The following LPP variants were observed in gnomAD, a reference collection of about 807,000 sequenced individuals.
LPP encodes the protein lipoma-preferred partner.
Under a neutral mutation model 60.4 loss-of-function variants are expected in LPP, and 38 were observed. The ratio of observed to expected loss-of-function variants is 0.63; its 90% CI spans 0.49 to 0.83. The LOEUF (loss-of-function observed/expected upper bound fraction) is 0.83. Among genes scored for constraint, LPP ranks in the 40% least tolerant of loss-of-function variants. The pLI is 0.00. For missense variants in LPP, 902 were observed against 783.6 expected, an observed-to-expected ratio of 1.15 and a Z score of -1.80; for synonymous variants, 328 against 290.8, an observed-to-expected ratio of 1.13 and a Z score of -1.30.
At chr3:188,855,550 T>A in intron 9 of LPP, among the ~76,000 whole-genome samples, 1 of 152,196 alleles carries the variant, frequency 6.6e-6, no homozygotes, top group East Asian at 1.9e-4. Context: ...TTGGGGGATG[T>A]CTATGGGAGT....
intron 4 of LPP, among the ~76,000 whole-genome samples, chr3:188,446,454 T>C (rs890604564): frequency 6.6e-6 from 1 of 152,264 alleles, no homozygotes; most frequent in Non-Finnish European, 1.5e-5. Flanking sequence ...GGTTACTGTG[T>C]ATGTCATTTA....
At chr3:188,485,173 C>A (rs539677300) in intron 5 of LPP, among the ~76,000 whole-genome samples, 1 of 152,250 alleles carries the variant, frequency 6.6e-6, no homozygotes, top group South Asian at 2.1e-4. Context: ...CATCAAATAT[C>A]CTTAGGATTT....
intron 2 of LPP, among the ~76,000 whole-genome samples, chr3:188,317,504 C>G (rs1241964191): frequency 1.3e-5 from 2 of 152,174 alleles, no homozygotes; most frequent in Non-Finnish European, 2.9e-5. Flanking sequence ...GCATTCAAAT[C>G]TTTTGTACCT....
At chr3:188,485,385 T>C (rs1472641320) in intron 5 of LPP, among the ~76,000 whole-genome samples, 1 of 152,150 alleles carries the variant, frequency 6.6e-6, no homozygotes, top group Non-Finnish European at 1.5e-5. Flanking sequence ...AAGAAGAAAA[T>C]CTAATAAAGT....
intron 7 of LPP, among the ~76,000 whole-genome samples, chr3:188,645,980 A>G (rs1370685001): frequency 6.6e-6 from 1 of 152,164 alleles, no homozygotes; most frequent in Non-Finnish European, 1.5e-5. Context: ...ACATATTCCA[A>G]GACTTGGCTT....
intron 3 of LPP, among the ~76,000 whole-genome samples, chr3:188,372,367 A>C (rs1205434870): frequency 2.0e-5 from 3 of 152,198 alleles, no homozygotes. Context: ...AAGCTCCTTC[A>C]ATCCAATTAG....
Position 188,760,180 on chromosome 3 carries a change from C to A in LPP, c.1308C>A (p.Val436=), listed in dbSNP as rs370437622. The change falls in exon 9 of 12, where the codon GTC becomes GTA. Residue 436 remains valine, a synonymous_variant. Coordinates refer to ENST00000617246, the MANE Select transcript of LPP (RefSeq NM_001375462.1). ...CAGGATGCACTGCCATGGATCAGGT[C>A]TTCCACGTGGATTGTTTTACCTGCA... is the stretch of plus-strand genomic sequence containing the variant. The part of the protein sequence containing the change: ...EGTGCTAMDQ[V]FHVDCFTCII... 1 of 1,614,044 alleles carries A rather than the reference C, an allele frequency of 6.2e-7. No individual in the cohort carries two copies.
At chr3:188,590,221 G>A (rs922692397) in intron 6 of LPP, among the ~76,000 whole-genome samples, 1 of 152,078 alleles carries the variant, frequency 6.6e-6, no homozygotes, top group African/African-American at 2.4e-5. Flanking sequence ...GAATATCTAG[G>A]AACAATCTAC....
chr3:188,344,541 T>TGGC (rs1763839057), intron 3 of LPP, among the ~76,000 whole-genome samples: 1 of 152,316 alleles, frequency 6.6e-6, no homozygotes, highest in South Asian at 2.1e-4. Context: ...CAGTTGATCA[T>TGGC]GGCATTACTT....
At chr3:188,470,724 G>C (rs1361957685) in intron 4 of LPP, among the ~76,000 whole-genome samples, 3 of 152,166 alleles carry the variant, frequency 2.0e-5, no homozygotes, top group Admixed American at 2.0e-4. Flanking sequence ...GGCTCAGATA[G>C]TGGAGAGGAA....
At chr3:188,757,606 C>T (rs1207767016) in intron 8 of LPP, among the ~76,000 whole-genome samples, 1 of 152,102 alleles carries the variant, frequency 6.6e-6, no homozygotes, top group African/African-American at 2.4e-5. Flanking sequence ...GATAGCCCTT[C>T]GTGTACTATG....
At chr3:188,418,886 G>A (rs1787046904) in intron 4 of LPP, among the ~76,000 whole-genome samples, 1 of 152,028 alleles carries the variant, frequency 6.6e-6, no homozygotes, top group Non-Finnish European at 1.5e-5. Context: ...ATCAGGGGTA[G>A]TTTTATTGAC....
chr3:188,750,076 G>A (rs1389134619), intron 8 of LPP, among the ~76,000 whole-genome samples: 1 of 152,194 alleles, frequency 6.6e-6, no homozygotes, highest in Admixed American at 6.5e-5. Flanking sequence ...TCTGTTTCCA[G>A]GATGGTGCTT....
At chr3:188,511,164 C>G (rs1815426313) in intron 5 of LPP, among the ~76,000 whole-genome samples, 1 of 131,928 alleles carries the variant, frequency 7.6e-6, no homozygotes, top group African/African-American at 2.9e-5. Context: ...TCCCTCCCTC[C>G]CTCCTTCCTT....
chr3:188,203,551 T>TTTTAAATATATATAAATATATA (rs1560107645), intron 1 of LPP, among the ~76,000 whole-genome samples: 3 of 73,298 alleles, frequency 4.1e-5, no homozygotes, highest in Non-Finnish European at 4.9e-5. Context: ...ATATATATAT[T>TTTTAAATATATATAAATATATA]TTTAAATATA....
chr3:188,625,050 T>C (rs1191264182), intron 7 of LPP, among the ~76,000 whole-genome samples: 9 of 152,126 alleles, frequency 5.9e-5, no homozygotes, highest in Non-Finnish European at 1.3e-4. Flanking sequence ...TAGCATTTCT[T>C]ATTAAAGACA....
intron 7 of LPP, among the ~76,000 whole-genome samples, chr3:188,617,442 A>T (rs1336658199): frequency 6.6e-6 from 1 of 152,134 alleles, no homozygotes; most frequent in Non-Finnish European, 1.5e-5. Flanking sequence ...TGTCAGGATG[A>T]TCTTATTTCC....
chr3:188,562,640 G>A (rs13093461), intron 6 of LPP, among the ~76,000 whole-genome samples: 68,162 of 151,642 alleles, frequency 0.45, 16,131 homozygotes, highest in East Asian at 0.92. Flanking sequence ...TGTAACGTGC[G>A]GCACTTCTGA....
chr3:188,846,683 CAAAAAAAA>C (rs34230552), intron 9 of LPP, among the ~76,000 whole-genome samples: 2 of 84,624 alleles, frequency 2.4e-5, no homozygotes, highest in Non-Finnish European at 4.6e-5. Flanking sequence ...GATTCCATCT[CAAAAAAAA>C]AAAAAAAAAA....
Sources: allele counts gnomAD v4.1 joint callset (sites outside exome capture counted in the v4.1 genomes callset), GRCh38; gene constraint gnomAD v4.1.1; transcripts MANE v1.5; gene names NCBI Gene and HGNC (gene_info 2026-07-23, HGNC 2026-07-21).